The following SRBD1 variants were observed in gnomAD, a reference collection of about 807,000 sequenced individuals.
SRBD1 encodes S1 RNA-binding domain-containing protein 1.
Under a neutral mutation model 115.3 loss-of-function variants are expected in SRBD1, and 88 were observed. The observed-to-expected ratio is 0.76, with a 90% CI of 0.64 to 0.91. SRBD1 has a LOEUF of 0.91. Ranked by LOEUF, SRBD1 falls within the 40% of genes least tolerant of loss-of-function variation. SRBD1 has a pLI of 0.00. For missense variants in SRBD1, 1,385 were observed against 1,177.4 expected, an observed-to-expected ratio of 1.18 and a Z score of -2.58; for synonymous variants, 509 against 407.7, an observed-to-expected ratio of 1.25 and a Z score of -2.99.
chr2:45,581,417 T>C (rs2104182929), intron 6 of SRBD1, among the ~76,000 whole-genome samples: 1 of 152,294 alleles, frequency 6.6e-6, no homozygotes, highest in Admixed American at 6.5e-5. Flanking sequence ...CCCTCTCTGA[T>C]AAGCTTCACG....
At chr2:45,474,818 T>C (rs1209942761) in intron 16 of SRBD1, among the ~76,000 whole-genome samples, 1 of 152,220 alleles carries the variant, frequency 6.6e-6, no homozygotes, top group Non-Finnish European at 1.5e-5. Context: ...CCTTTCTTGT[T>C]TTCCCATGCT....
At chr2:45,441,026 A>C (rs1234398110) in intron 16 of SRBD1, among the ~76,000 whole-genome samples, 1 of 152,168 alleles carries the variant, frequency 6.6e-6, no homozygotes. Context: ...CTAAAGATAC[A>C]TTTTCTCTTC....
At chr2:45,540,319 C>T (rs766027359) in intron 14 of SRBD1, among the ~76,000 whole-genome samples, 8 of 146,136 alleles carry the variant, frequency 5.5e-5, no homozygotes, top group African/African-American at 1.5e-4. Context: ...CCAGCCTGGG[C>T]GACAGAGAGA....
At chr2:45,573,457 T>C in intron 8 of SRBD1, 115 bp from the exon 9 acceptor site, 1 of 1,217,486 alleles carries the variant, frequency 8.2e-7, no homozygotes, top group South Asian at 1.5e-5. Flanking sequence ...GTGAGTTTTT[T>C]TAATGATGCC....
chr2:45,474,488 A>T (rs1218214818), intron 16 of SRBD1, among the ~76,000 whole-genome samples: 1 of 152,194 alleles, frequency 6.6e-6, no homozygotes, highest in Non-Finnish European at 1.5e-5. Flanking sequence ...CTCTTGAGCT[A>T]TCTCCCAGCC....
rs530059751 is a variant in SRBD1, at chr2:45,404,980, G to A, written c.2513+8134C>T. On this transcript the variant is annotated intron_variant, in intron 19 of 20. Transcript: ENST00000263736. ...ATCTGCACAGCTAACTCTTTCCTCC[G>A]TCAAGACTTTTCTTAAATGTCACCA... Among the ~76,000 whole-genome samples the A allele has an allele frequency of 4.2e-4, 64 of 152,034 alleles. No homozygotes were observed. In the South Asian group the frequency reaches 0.011, roughly 26 times the overall value.
At chr2:45,515,725 A>T (rs1314251009) in intron 14 of SRBD1, among the ~76,000 whole-genome samples, 1 of 152,230 alleles carries the variant, frequency 6.6e-6, no homozygotes, top group Non-Finnish European at 1.5e-5. Context: ...TAGAGAAGGT[A>T]TGAAAACAAA....
chr2:45,390,197 G>T (rs1479452007), intron 20 of SRBD1, among the ~76,000 whole-genome samples: 2 of 152,096 alleles, frequency 1.3e-5, no homozygotes, highest in African/African-American at 2.4e-5. Flanking sequence ...CTATGGCTCA[G>T]AATCCCAGAC....
At chr2:45,547,490 T>A (rs1340772648) in intron 13 of SRBD1, 32 bp downstream of exon 13, 1 of 1,587,356 alleles carries the variant, frequency 6.3e-7, no homozygotes, top group Non-Finnish European at 8.6e-7. Flanking sequence ...ACTGAGCCAC[T>A]GATATATTCA....
At chr2:45,539,324 T>C (rs568860708) in intron 14 of SRBD1, among the ~76,000 whole-genome samples, 1 of 152,198 alleles carries the variant, frequency 6.6e-6, no homozygotes, top group South Asian at 2.1e-4. Flanking sequence ...CAAGTGCATT[T>C]TATTTTCAAG....
chr2:45,579,720 C>A (rs1336855431), intron 7 of SRBD1, among the ~76,000 whole-genome samples, 155 bp downstream of exon 7: 1 of 151,522 alleles, frequency 6.6e-6, no homozygotes, highest in Non-Finnish European at 1.5e-5. Context: ...AATGGCTACT[C>A]AATAGGTATG....
intron 16 of SRBD1, among the ~76,000 whole-genome samples, chr2:45,430,973 G>A (rs1055953381): frequency 1.3e-5 from 2 of 152,164 alleles, no homozygotes; most frequent in Non-Finnish European, 2.9e-5. Context: ...ATCAAAAAGT[G>A]GGTGAAGGAT....
At chr2:45,419,993 C>T (rs1667949929) in intron 16 of SRBD1, 99 bp from the exon 17 acceptor site, 3 of 1,068,010 alleles carry the variant, frequency 2.8e-6, no homozygotes, top group Admixed American at 1.9e-5. Context: ...TAACACACAC[C>T]ATGGTAAATT....
At chr2:45,495,705 T>G (rs1293405485) in intron 14 of SRBD1, among the ~76,000 whole-genome samples, 2 of 152,134 alleles carry the variant, frequency 1.3e-5, no homozygotes. Flanking sequence ...TGGTTGATAC[T>G]GGGACAGGAA....
chr2:45,489,579 C>T (rs1209998383), intron 14 of SRBD1, among the ~76,000 whole-genome samples: 1 of 152,156 alleles, frequency 6.6e-6, no homozygotes, highest in Admixed American at 6.5e-5. Flanking sequence ...AACTGAAAAG[C>T]AAGGCTGCTT....
chr2:45,490,689 C>T (rs1180379597), intron 14 of SRBD1, among the ~76,000 whole-genome samples: 1 of 152,004 alleles, frequency 6.6e-6, no homozygotes, highest in Non-Finnish European at 1.5e-5. Context: ...CAACTGGGTA[C>T]CTGAGAATTT....
At position 45,585,126 on chromosome 2, in the gene SRBD1, G is replaced by A. The variant is rs538241929; in HGVS notation, c.815+482C>T. Among the ~76,000 whole-genome samples the A allele has an allele frequency of 7.9e-5, 12 of 151,866 alleles. 1 individual carries two copies. The South Asian group carries it at 2.5e-3, about 32-fold the overall frequency. On this transcript the variant is annotated intron_variant, in intron 5 of 20. Coordinates refer to ENST00000263736, the MANE Select transcript of SRBD1 (RefSeq NM_018079.5). ...GATTGCACCACTGCACTTCAGCCCA[G>A]GCGACAGAGCAAGACTCTGTCTCCG...
chr2:45,392,861 T>C (rs1667041169), intron 20 of SRBD1, 84 bp downstream of exon 20: 14 of 1,234,628 alleles, frequency 1.1e-5, no homozygotes, highest in East Asian at 2.5e-5. Flanking sequence ...ATTCTGCTTA[T>C]GGCATAGGAT....
At position 45,447,030 on chromosome 2, in the gene SRBD1, T is replaced by C. The variant is rs561704729; in HGVS notation, c.2050-27136A>G. On this transcript the variant is annotated intron_variant, in intron 16 of 20. Transcript: ENST00000263736. Reference sequence around the variant, plus strand: ...GTCCTTATTCTTTTCTAATTTTCTATGTACTACTAGTGTAATAAATGTTTT... The same window carrying C: ...GTCCTTATTCTTTTCTAATTTTCTACGTACTACTAGTGTAATAAATGTTTT... 4 of 152,364 alleles carry C rather than the reference T, an allele frequency of 2.6e-5. No individual in the cohort carries two copies. The East Asian group carries it at 7.7e-4, about 29-fold the overall frequency. The allele number at this position is 152,364 out of a possible 1,614,324, so 9.4% of individuals were successfully genotyped here. A position where few individuals can be genotyped will look rare whatever the true frequency, so the allele number is the denominator to read the frequency against.
Sources: gnomAD v4.1 joint callset for allele counts (sites outside exome capture counted in the v4.1 genomes callset) on GRCh38, gnomAD v4.1.1 for gene constraint, MANE v1.5 for transcripts, NCBI Gene and HGNC (gene_info 2026-07-23, HGNC 2026-07-21) for gene names.